Variants in BACH2 observed in about 807,000 individuals in gnomAD.
BACH2 encodes the protein transcription regulator protein BACH2.
Under a neutral mutation model 61.8 loss-of-function variants are expected in BACH2, and 5 were observed. That is an observed-to-expected ratio of 0.08 (90% CI 0.04 to 0.17). The LOEUF is 0.17. Among genes scored for constraint, BACH2 ranks in the 10% least tolerant of loss-of-function variants. The pLI is 1.00. For synonymous variants in BACH2, 446 were observed against 440.1 expected, an observed-to-expected ratio of 1.01 and a Z score of -0.17; for missense variants, 824 against 1,091.1, an observed-to-expected ratio of 0.76 and a Z score of 3.45.
intron 1 of BACH2, among the ~76,000 whole-genome samples, chr6:90,272,348 T>C (rs1008082429): frequency 2.0e-5 from 3 of 152,122 alleles, no homozygotes; most frequent in Admixed American, 6.5e-5. Flanking sequence ...CTTCTGCTTC[T>C]TGACCAAGGA....
At chr6:90,202,507 T>C (rs1459927403) in intron 4 of BACH2, among the ~76,000 whole-genome samples, 1 of 152,166 alleles carries the variant, frequency 6.6e-6, no homozygotes, top group Non-Finnish European at 1.5e-5. Context: ...GGGGCACTAC[T>C]CTACTTCATT....
chr6:90,287,724 C>G (rs1012678756), intron 1 of BACH2, among the ~76,000 whole-genome samples: 4 of 152,222 alleles, frequency 2.6e-5, no homozygotes, highest in African/African-American at 7.2e-5. Flanking sequence ...GGTCTCCTAT[C>G]ACCAGGTTAC....
chr6:90,075,586 G>A (rs1190058939), intron 5 of BACH2, among the ~76,000 whole-genome samples: 3 of 152,064 alleles, frequency 2.0e-5, no homozygotes, highest in Admixed American at 6.6e-5. Context: ...CCCCAACAGA[G>A]TATTATTTTG....
chr6:90,189,464 C>T lies in BACH2; in HGVS notation c.-162+17105G>A, dbSNP rs371826036. Among the ~76,000 whole-genome samples the T allele has an allele frequency of 2.1e-3, 326 of 151,994 alleles. 3 individuals carry two copies. Among genetic ancestry groups the T allele is most frequent in the African/African-American group, 7.0e-3 (289 of 41,470 alleles). On this transcript the variant is annotated intron_variant, in intron 4 of 8. Coordinates refer to ENST00000257749, the MANE Select transcript of BACH2 (RefSeq NM_021813.4). Reference sequence around the variant, plus strand: ...TCTACTAAAAATACAAAAAATTAGCCGGGCGCGGTGGCGGGCGCCCGTAGT... The same window carrying T: ...TCTACTAAAAATACAAAAAATTAGCTGGGCGCGGTGGCGGGCGCCCGTAGT...
rs1358980028 is a variant in BACH2, at chr6:89,932,101, T to A, written c.*307A>T. 2 of 242,382 alleles carry A rather than the reference T, an allele frequency of 8.3e-6. No homozygotes were observed. The highest frequency in any genetic ancestry group is 1.1e-4 in the South Asian group (1 of 9,130). 15.0% of individuals were successfully genotyped at this position (242,382 alleles called of 1,614,324 possible). A position where few individuals can be genotyped will look rare whatever the true frequency, so the allele number is the denominator to read the frequency against. On this transcript the variant is annotated 3_prime_UTR_variant, in exon 9 of 9. Transcript: ENST00000257749. ...TGACATGGGCCACTGAGAAAAAAAA[T>A]CCGTGGTTGGGGCCTAGAGGTGTTG...
intron 4 of BACH2, among the ~76,000 whole-genome samples, 177 bp from the exon 5 acceptor site, chr6:90,089,286 C>T (rs1459441468): frequency 6.6e-6 from 1 of 151,986 alleles, no homozygotes; most frequent in African/African-American, 2.4e-5. Context: ...GACACCATAG[C>T]CCGTGGTAGA....
chr6:90,255,210 C>T (rs564041678), intron 2 of BACH2, among the ~76,000 whole-genome samples: 1 of 152,298 alleles, frequency 6.6e-6, no homozygotes, highest in South Asian at 2.1e-4. Context: ...TCTGTGGCCA[C>T]ACAAGACTGA....
intron 5 of BACH2, among the ~76,000 whole-genome samples, chr6:90,032,689 T>A (rs955424073): frequency 1.3e-5 from 2 of 152,116 alleles, no homozygotes; most frequent in African/African-American, 4.8e-5. Context: ...ATGGCCATCA[T>A]TAAAAAGTCA....
chr6:90,060,774 ATTTAG>A (rs1365939614), intron 5 of BACH2, among the ~76,000 whole-genome samples: 5 of 152,114 alleles, frequency 3.3e-5, no homozygotes, highest in Non-Finnish European at 5.9e-5. Flanking sequence ...TTTATCTGGA[ATTTAG>A]TGGTACTACC....
intron 2 of BACH2, among the ~76,000 whole-genome samples, chr6:90,262,295 G>GA (rs1466498771): frequency 1.3e-5 from 2 of 152,164 alleles, no homozygotes; most frequent in Non-Finnish European, 2.9e-5. Flanking sequence ...CTAACTGGGG[G>GA]AATCTACTGT....
chr6:89,991,107 A>G (rs1308055649), intron 6 of BACH2, among the ~76,000 whole-genome samples: 5 of 152,192 alleles, frequency 3.3e-5, no homozygotes, highest in Admixed American at 1.3e-4. Context: ...TGCCCTCCAC[A>G]ATACTTGTAG....
At chr6:90,294,894 A>C (rs1412251237) in intron 1 of BACH2, among the ~76,000 whole-genome samples, 1 of 152,180 alleles carries the variant, frequency 6.6e-6, no homozygotes, top group Non-Finnish European at 1.5e-5. Context: ...AACATCTCTA[A>C]TTTTACTCTA....
intron 3 of BACH2, among the ~76,000 whole-genome samples, chr6:90,237,992 T>A (rs186030128): frequency 6.6e-6 from 1 of 152,366 alleles, no homozygotes; most frequent in Admixed American, 6.5e-5. Flanking sequence ...CAGTTCCATA[T>A]ATAAATACCA....
intron 5 of BACH2, among the ~76,000 whole-genome samples, chr6:90,050,833 G>A (rs924525860): frequency 3.3e-5 from 5 of 151,274 alleles, no homozygotes; most frequent in African/African-American, 4.9e-5. Flanking sequence ...GCAATGGCGC[G>A]ATCTCGGTTC....
chr6:90,089,465 G>T (rs1320100778), intron 4 of BACH2, among the ~76,000 whole-genome samples: 1 of 151,996 alleles, frequency 6.6e-6, no homozygotes, highest in Non-Finnish European at 1.5e-5. Context: ...CAGCAAATCA[G>T]AACACCTTGG....
intron 5 of BACH2, among the ~76,000 whole-genome samples, chr6:90,044,509 G>A (rs1779692184): frequency 1.3e-5 from 2 of 152,368 alleles, no homozygotes; most frequent in South Asian, 4.1e-4. Flanking sequence ...AGAAGCCAGA[G>A]TAGGCAAGTG....
intron 3 of BACH2, among the ~76,000 whole-genome samples, chr6:90,232,773 C>T (rs544030170): frequency 6.6e-6 from 1 of 152,328 alleles, no homozygotes; most frequent in African/African-American, 2.4e-5. Context: ...CTCTTTCCGT[C>T]TTCATAATAG....
intron 3 of BACH2, among the ~76,000 whole-genome samples, chr6:90,225,846 T>C (rs1386926791): frequency 2.6e-5 from 4 of 152,062 alleles, no homozygotes; most frequent in Admixed American, 6.6e-5. Context: ...AGTCAGGGTG[T>C]GCCTTACTGA....
intron 5 of BACH2, among the ~76,000 whole-genome samples, chr6:90,011,974 G>GTA (rs1554227969): frequency 1.0e-3 from 153 of 147,878 alleles, no homozygotes; most frequent in African/African-American, 3.8e-3. Flanking sequence ...GTGTGTGTGT[G>GTA]TATGAGTGAT....
Sources: allele counts gnomAD v4.1 joint callset (sites outside exome capture counted in the v4.1 genomes callset), GRCh38; gene constraint gnomAD v4.1.1; transcripts MANE v1.5; gene names NCBI Gene and HGNC (gene_info 2026-07-23, HGNC 2026-07-21).